GLRA2: variants seen among roughly 807,000 people sequenced by gnomAD.
The protein encoded by GLRA2 is glycine receptor alpha 2.
GLRA2 carries 11 observed loss-of-function variants against 31.6 expected under a neutral mutation model. That is an observed-to-expected ratio of 0.35 (90% CI 0.22 to 0.58). GLRA2 has a LOEUF of 0.58. Ranked by LOEUF, GLRA2 falls within the 20% of genes least tolerant of loss-of-function variation. GLRA2 has a pLI of 0.84. For synonymous variants in GLRA2, 132 were observed against 134.0 expected (o/e 0.99, Z 0.10); for missense variants, 212 against 351.8 (o/e 0.60, Z 3.18).
intron 4 of GLRA2, among the ~76,000 whole-genome samples, chrX:14,593,536 T>C (rs2090167394): frequency 8.9e-6 from 1 of 112,390 alleles, no homozygotes; most frequent in Non-Finnish European, 1.9e-5. Context: ...GCAAAAAGTA[T>C]GCTAGGGGAT....
At chrX:14,723,329 C>T (rs985631788) in intron 8 of GLRA2, among the ~76,000 whole-genome samples, 3 of 111,954 alleles carry the variant, frequency 2.7e-5, no homozygotes, top group African/African-American at 9.8e-5. Flanking sequence ...CTGTTGATTG[C>T]CCCTCTATGT....
At chrX:14,699,089 C>G (rs1430996412) in intron 8 of GLRA2, among the ~76,000 whole-genome samples, 1 of 112,155 alleles carries the variant, frequency 8.9e-6, no homozygotes, top group Non-Finnish European at 1.9e-5. Context: ...CAGATCTTCC[C>G]TGACAGAACT....
chrX:14,721,656 T>C (rs1292847068), intron 8 of GLRA2, among the ~76,000 whole-genome samples: 1 of 111,454 alleles, frequency 9.0e-6, no homozygotes, highest in East Asian at 2.8e-4. Flanking sequence ...AGTCCCACCC[T>C]GTATATGATT....
At chrX:14,572,425 A>G (rs2089896838) in intron 2 of GLRA2, among the ~76,000 whole-genome samples, 1 of 112,281 alleles carries the variant, frequency 8.9e-6, no homozygotes, top group Non-Finnish European at 1.9e-5. Context: ...TTGTGGAGAG[A>G]AAGGGAAAAA....
the GLRA2 span, among the ~76,000 whole-genome samples, chrX:14,467,057 G>C: frequency 8.9e-6 from 1 of 112,227 alleles, no homozygotes; most frequent in Admixed American, 9.5e-5. Flanking sequence ...TAGCTTATTT[G>C]ATATCTGAGT....
At chrX:14,502,952 A>G in the GLRA2 span, among the ~76,000 whole-genome samples, 1 of 109,844 alleles carries the variant, frequency 9.1e-6, no homozygotes, top group African/African-American at 3.3e-5. Flanking sequence ...GTCTGAGAGC[A>G]GAAATAAGAA....
the GLRA2 span, among the ~76,000 whole-genome samples, chrX:14,507,686 A>ATTTTTT: frequency 7.1e-5 from 4 of 56,051 alleles, no homozygotes; most frequent in Admixed American, 1.7e-4. Flanking sequence ...TACGAAAGAC[A>ATTTTTT]TTCTTTTTTT....
chrX:14,462,267 G>A, the GLRA2 span, among the ~76,000 whole-genome samples: 2 of 111,256 alleles, frequency 1.8e-5, no homozygotes, highest in Non-Finnish European at 3.8e-5. Context: ...CTTTCTCTCT[G>A]GCTGCCCTTA....
At chrX:14,563,084 C>T (rs2089755147) in intron 2 of GLRA2, among the ~76,000 whole-genome samples, 2 of 112,513 alleles carry the variant, frequency 1.8e-5, no homozygotes, top group Admixed American at 1.9e-4. Context: ...TCAAAATCGA[C>T]CATGCATATG....
chrX:14,591,302 A>T (rs2090143312), intron 4 of GLRA2, among the ~76,000 whole-genome samples: 1 of 111,789 alleles, frequency 8.9e-6, no homozygotes, highest in Admixed American at 9.5e-5. Context: ...CTGCAAGTTG[A>T]GGAACAAGGA....
intron 1 of GLRA2, among the ~76,000 whole-genome samples, chrX:14,531,394 T>C (rs1218878792): frequency 9.0e-6 from 1 of 111,507 alleles, no homozygotes; most frequent in Admixed American, 9.6e-5. Context: ...CACTATGTAT[T>C]GTGAAATAAT....
chrX:14,671,246 T>C (rs1038641253), intron 7 of GLRA2, among the ~76,000 whole-genome samples: 1 of 111,466 alleles, frequency 9.0e-6, no homozygotes, highest in African/African-American at 3.3e-5. Flanking sequence ...GCTATCCTGG[T>C]TCTAAATGGC....
chrX:14,520,083 G>C, the GLRA2 span, among the ~76,000 whole-genome samples: 2 of 112,093 alleles, frequency 1.8e-5, no homozygotes, highest in East Asian at 5.6e-4. Flanking sequence ...TCCAAATTCA[G>C]CTTCTTTTCA....
At chrX:14,715,197 C>T (rs912318046) in intron 8 of GLRA2, among the ~76,000 whole-genome samples, 31 of 112,004 alleles carry the variant, frequency 2.8e-4, no homozygotes, top group Non-Finnish European at 1.1e-4. Context: ...TGGCTGCTCA[C>T]GAGCTTAATA....
At chrX:14,466,992 A>G in the GLRA2 span, among the ~76,000 whole-genome samples, 557 of 111,746 alleles carry the variant, frequency 5.0e-3, 1 homozygote, top group Middle Eastern at 9.3e-3. Context: ...GTTGATTCTG[A>G]CCTGTGCTGC....
chrX:14,653,082 G>C (rs893943461), intron 7 of GLRA2, among the ~76,000 whole-genome samples: 20 of 110,744 alleles, frequency 1.8e-4, no homozygotes, highest in African/African-American at 3.3e-4. Flanking sequence ...AAATATTACT[G>C]GTCATTGACA....
At chrX:14,639,911 A>T (rs1363425785) in intron 7 of GLRA2, among the ~76,000 whole-genome samples, 1 of 112,280 alleles carries the variant, frequency 8.9e-6, no homozygotes, top group Non-Finnish European at 1.9e-5. Context: ...TTCATAGTAA[A>T]AAGTTTTTAA....
intron 4 of GLRA2, among the ~76,000 whole-genome samples, chrX:14,590,374 T>C (rs2090133359): frequency 9.0e-6 from 1 of 111,728 alleles, no homozygotes; most frequent in African/African-American, 3.3e-5. Context: ...TCTTGTCTAA[T>C]GACCAACTCT....
intron 2 of GLRA2, among the ~76,000 whole-genome samples, chrX:14,538,141 C>T (rs190822457): frequency 4.3e-4 from 47 of 110,025 alleles, no homozygotes; most frequent in African/African-American, 1.5e-3. Context: ...TCTTTCATTC[C>T]ATGGTGACAG....
Sources: gnomAD v4.1 joint callset for allele counts (sites outside exome capture counted in the v4.1 genomes callset) on GRCh38, gnomAD v4.1.1 for gene constraint, MANE v1.5 for transcripts, NCBI Gene and HGNC (gene_info 2026-07-23, HGNC 2026-07-21) for gene names.